The following CMTM4 variants were observed in gnomAD, a reference collection of about 807,000 sequenced individuals.
CMTM4 encodes the protein CKLF-like MARVEL transmembrane domain-containing protein 4.
In CMTM4, 8 loss-of-function variants were observed where a neutral mutation model predicts 19.0. The observed-to-expected ratio is 0.42, with a 90% CI of 0.25 to 0.76. The LOEUF is 0.76. CMTM4 is among the 30% of genes least tolerant of loss of function. CMTM4 has a pLI of 0.27. For synonymous variants in CMTM4, 106 were observed against 121.1 expected (o/e 0.88, Z 0.82); for missense variants, 228 against 290.2 (o/e 0.79, Z 1.56).
chr16:66,655,302 T>C (rs2016378969), intron 1 of CMTM4, among the ~76,000 whole-genome samples: 1 of 152,086 alleles, frequency 6.6e-6, no homozygotes, highest in African/African-American at 2.4e-5. Flanking sequence ...ATAGCTATTA[T>C]CGGCCAAAAA....
chr16:66,666,781 A>C (rs963680886), intron 1 of CMTM4, among the ~76,000 whole-genome samples: 5 of 152,228 alleles, frequency 3.3e-5, no homozygotes, highest in African/African-American at 1.2e-4. Flanking sequence ...ACATGGATGG[A>C]GCTGGAGGCC....
the CMTM4 span, among the ~76,000 whole-genome samples, chr16:66,600,887 G>A: frequency 6.6e-6 from 1 of 152,220 alleles, no homozygotes; most frequent in African/African-American, 2.4e-5. Flanking sequence ...ATAAGGAGGA[G>A]TTAATTAGAG....
In CMTM4 at chr16:66,621,707, A is replaced by T; in HGVS notation, c.*351T>A. On this transcript the variant is annotated 3_prime_UTR_variant, in exon 4 of 4. Coordinates refer to ENST00000394106, the MANE Select transcript of CMTM4 (RefSeq NM_181521.3). ...TCCAATGCTGTCCCTTCATTCCTTC[A>T]TATTTCCCCCCTCTTAGCAGCCCCA... 1 of 1,078,066 alleles carries T rather than the reference A, an allele frequency of 9.3e-7. No individual in the cohort carries two copies. The highest frequency in any genetic ancestry group is 1.1e-6 in the Non-Finnish European group (1 of 883,984). 66.8% of individuals were successfully genotyped at this position (1,078,066 alleles called of 1,614,324 possible). A position where few individuals can be genotyped will look rare whatever the true frequency, so the allele number is the denominator to read the frequency against.
the CMTM4 span, chr16:66,605,243 G>A: frequency 7.0e-6 from 2 of 284,928 alleles, no homozygotes; most frequent in African/African-American, 2.2e-5. This position sits in a 1 kb window ranked among gnomAD's most constrained non-coding sequence, Gnocchi z 4.6. Context: ...CCTGCTGTGT[G>A]AGCCAGGCGC....
chr16:66,662,833 G>C (rs979774753), intron 1 of CMTM4, among the ~76,000 whole-genome samples: 1 of 152,038 alleles, frequency 6.6e-6, no homozygotes, highest in East Asian at 1.9e-4. Context: ...AACCCATAAA[G>C]TTCTATAAAC....
chr16:66,646,450 A>G (rs934784993), intron 1 of CMTM4, among the ~76,000 whole-genome samples: 1 of 152,188 alleles, frequency 6.6e-6, no homozygotes, highest in African/African-American at 2.4e-5. Flanking sequence ...TATCACATGT[A>G]TATATTATAG....
chr16:66,605,186 C>T, the CMTM4 span: 5 of 409,602 alleles, frequency 1.2e-5, no homozygotes, highest in East Asian at 2.0e-4. The surrounding 1 kb of genome is among the most constrained non-coding windows in gnomAD (Gnocchi z 4.6). Context: ...CCCCGCGAGT[C>T]CAGAGCTGGG....
At chr16:66,687,493 G>A (rs991409896) in intron 1 of CMTM4, among the ~76,000 whole-genome samples, 3 of 151,768 alleles carry the variant, frequency 2.0e-5, no homozygotes, top group African/African-American at 7.3e-5. Flanking sequence ...TAGCGAGACC[G>A]TCTCAAAAAT....
At chr16:66,634,122 C>G (rs1407842748) in intron 2 of CMTM4, among the ~76,000 whole-genome samples, 1 of 151,844 alleles carries the variant, frequency 6.6e-6, no homozygotes, top group African/African-American at 2.4e-5. Flanking sequence ...ATAGAAAAAG[C>G]AGAATTCCAG....
intron 1 of CMTM4, among the ~76,000 whole-genome samples, chr16:66,674,203 G>A (rs987390498): frequency 6.6e-5 from 10 of 152,196 alleles, no homozygotes; most frequent in Non-Finnish European, 1.5e-5. Context: ...GGCTGCACTT[G>A]ACCAGATAGA....
At chr16:66,687,097 G>C (rs2144918220) in intron 1 of CMTM4, among the ~76,000 whole-genome samples, 1 of 148,930 alleles carries the variant, frequency 6.7e-6, no homozygotes, top group South Asian at 2.1e-4. Context: ...TTTTCCATTA[G>C]CATCAACAAA....
At chr16:66,671,535 C>A (rs1400834221) in intron 1 of CMTM4, among the ~76,000 whole-genome samples, 1 of 152,154 alleles carries the variant, frequency 6.6e-6, no homozygotes, top group Non-Finnish European at 1.5e-5. Flanking sequence ...CTAACCATTC[C>A]ATTCTCATCC....
chr16:66,663,371 T>C (rs1230451142), intron 1 of CMTM4, among the ~76,000 whole-genome samples: 1 of 151,900 alleles, frequency 6.6e-6, no homozygotes, highest in African/African-American at 2.4e-5. Flanking sequence ...CCAGGCATGG[T>C]GGTATACCCC....
the CMTM4 span, among the ~76,000 whole-genome samples, chr16:66,606,853 T>G: frequency 6.6e-6 from 1 of 151,908 alleles, no homozygotes; most frequent in South Asian, 2.1e-4. Context: ...ATTAGCTGGG[T>G]TTGGTGGCGG....
intron 1 of CMTM4, among the ~76,000 whole-genome samples, chr16:66,659,518 C>T (rs1391360144): frequency 6.6e-6 from 1 of 152,114 alleles, no homozygotes; most frequent in East Asian, 1.9e-4. Flanking sequence ...AGACTTCAGA[C>T]ACAGCAAGCA....
the CMTM4 span, among the ~76,000 whole-genome samples, chr16:66,598,559 T>G: frequency 6.6e-6 from 1 of 152,174 alleles, no homozygotes; most frequent in Non-Finnish European, 1.5e-5. Flanking sequence ...TTCTTAGCAC[T>G]CCAGGAAGCT....
At chr16:66,631,180 C>A (rs1176326248) in intron 2 of CMTM4, among the ~76,000 whole-genome samples, 2 of 149,878 alleles carry the variant, frequency 1.3e-5, no homozygotes, top group Non-Finnish European at 3.0e-5. Context: ...GGTCAGCCCC[C>A]GCCCGGCCAG....
intron 1 of CMTM4, among the ~76,000 whole-genome samples, chr16:66,645,010 A>T (rs1007173573): frequency 6.6e-6 from 1 of 152,210 alleles, no homozygotes; most frequent in Non-Finnish European, 1.5e-5. Flanking sequence ...TTGGCCGGGC[A>T]CGGTGGCTCA....
intron 1 of CMTM4, among the ~76,000 whole-genome samples, chr16:66,687,079 GGAA>G (rs2017047281): frequency 1.3e-5 from 2 of 150,588 alleles, no homozygotes; most frequent in Admixed American, 6.6e-5. Context: ...CCTTTCAAAT[GGAA>G]GAAGTTTTCC....
Sources: gnomAD v4.1 joint callset for allele counts (sites outside exome capture counted in the v4.1 genomes callset) on GRCh38, gnomAD v4.1.1 for gene constraint, Gnocchi (gnomAD v3.1) non-coding constraint, MANE v1.5 for transcripts, NCBI Gene and HGNC (gene_info 2026-07-23, HGNC 2026-07-21) for gene names.